Variants in WASL observed in about 807,000 individuals in gnomAD.
WASL encodes the protein actin nucleation-promoting factor WASL.
WASL carries 20 observed loss-of-function variants against 55.5 expected under a neutral mutation model. That is an observed-to-expected ratio of 0.36 (90% CI 0.25 to 0.52). WASL has a LOEUF of 0.52. Ranked by LOEUF, WASL falls within the 20% of genes least tolerant of loss-of-function variation. The pLI, the probability that WASL is intolerant of heterozygous loss-of-function variation, is 0.92. For synonymous variants in WASL, 249 were observed against 217.6 expected (o/e 1.14, Z -1.27); for missense variants, 504 against 622.5 (o/e 0.81, Z 2.03).
chr7:123,746,421 T>C (rs1476328105), intron 1 of WASL, among the ~76,000 whole-genome samples: 1 of 152,264 alleles, frequency 6.6e-6, no homozygotes, highest in African/African-American at 2.4e-5. Flanking sequence ...TAAATCTTAC[T>C]GCTGGATTTA....
At chr7:123,724,954 A>G (rs1804016919) in intron 1 of WASL, among the ~76,000 whole-genome samples, 1 of 152,220 alleles carries the variant, frequency 6.6e-6, no homozygotes, top group Non-Finnish European at 1.5e-5. Context: ...AAAGCATACC[A>G]AAGTCAACAT....
Position 123,732,330 on chromosome 7 carries a change from G to A in WASL, c.117+16288C>T, listed in dbSNP as rs183315107. Among the ~76,000 whole-genome samples, 968 of 151,436 alleles carry A rather than the reference G, an allele frequency of 6.4e-3. 9 individuals are homozygous for A. Among genetic ancestry groups the A allele is most frequent in the African/African-American group, 0.022 (895 of 41,348 alleles). On this transcript the variant is annotated intron_variant, in intron 1 of 10. Coordinates refer to ENST00000223023, the MANE Select transcript of WASL (RefSeq NM_003941.4). ...GGGTGATAGAGCGAGACTCTGTCTC[G>A]AAAAATAAAAAATAAAAAATAAAAA...
At chr7:123,743,190 AG>A (rs1804374358) in intron 1 of WASL, among the ~76,000 whole-genome samples, 1 of 152,078 alleles carries the variant, frequency 6.6e-6, no homozygotes, top group Non-Finnish European at 1.5e-5. Flanking sequence ...TACAAAAATT[AG>A]CCAGGGGTAG....
At chr7:123,739,764 T>C (rs1804298319) in intron 1 of WASL, among the ~76,000 whole-genome samples, 1 of 152,202 alleles carries the variant, frequency 6.6e-6, no homozygotes, top group Non-Finnish European at 1.5e-5. Flanking sequence ...CCTGATAAGC[T>C]GCTTGTTTCT....
intron 1 of WASL, among the ~76,000 whole-genome samples, chr7:123,747,402 T>C (rs1252800864): frequency 1.3e-5 from 2 of 152,144 alleles, no homozygotes. Context: ...ATGAAACACA[T>C]CTGAAATTGA....
intron 1 of WASL, among the ~76,000 whole-genome samples, chr7:123,734,448 A>T (rs1338840438): frequency 6.6e-6 from 1 of 152,184 alleles, no homozygotes; most frequent in Non-Finnish European, 1.5e-5. Flanking sequence ...AACTATTAAA[A>T]TAACTAAAAA....
chr7:123,723,354 C>T (rs926772288), intron 1 of WASL, among the ~76,000 whole-genome samples: 5 of 152,048 alleles, frequency 3.3e-5, no homozygotes, highest in Non-Finnish European at 7.4e-5. Flanking sequence ...ACATTCACAC[C>T]TTTACTATGT....
chr7:123,694,159 G>C (rs1803456482), intron 8 of WASL, among the ~76,000 whole-genome samples: 1 of 152,048 alleles, frequency 6.6e-6, no homozygotes, highest in Admixed American at 6.5e-5. Flanking sequence ...AAAATTTAGA[G>C]TATTTTATCT....
chr7:123,705,653 T>C (rs1292707327), intron 4 of WASL, among the ~76,000 whole-genome samples: 9 of 152,204 alleles, frequency 5.9e-5, no homozygotes, highest in Non-Finnish European at 1.0e-4. Context: ...TGTCAAGTAA[T>C]AGTTCTACTC....
intron 5 of WASL, among the ~76,000 whole-genome samples, chr7:123,701,955 A>AC (rs397710659): frequency 3.3e-5 from 5 of 150,406 alleles, no homozygotes; most frequent in African/African-American, 4.9e-5. Flanking sequence ...TAAAAAAAAA[A>AC]CCCTCCATTT....
intron 2 of WASL, among the ~76,000 whole-genome samples, chr7:123,708,531 C>T (rs576565201): frequency 2.0e-5 from 3 of 151,926 alleles, no homozygotes; most frequent in African/African-American, 7.2e-5. Flanking sequence ...GAATACCTAA[C>T]AAGGTATTCA....
intron 5 of WASL, among the ~76,000 whole-genome samples, chr7:123,702,009 A>T (rs1179451306): frequency 1.3e-5 from 2 of 151,908 alleles, no homozygotes; most frequent in Non-Finnish European, 2.9e-5. Context: ...AATGATTAAA[A>T]CTAAAGATTT....
chr7:123,739,910 GTGTGTATATA>G (rs1434478290), intron 1 of WASL, among the ~76,000 whole-genome samples: 92 of 58,232 alleles, frequency 1.6e-3, no homozygotes, highest in Middle Eastern at 0.012. Flanking sequence ...GTGTGTGTGT[GTGTGTATATA>G]TATATATATA....
chr7:123,688,614 G>A lies in WASL; in HGVS notation c.1456+428C>T, dbSNP rs553396310. On this transcript the variant is annotated intron_variant, in intron 10 of 10. Transcript: ENST00000223023. ...CGACCTCAGGTGATCCACCCGCCTC[G>A]GCCTCCCAAAGTGCTGGGATTACAG... 9.6e-4 allele frequency among the ~76,000 whole-genome samples: 146 copies of A among 152,108 alleles called. 2 individuals are homozygous for A. Among genetic ancestry groups the A allele is most frequent in the Non-Finnish European group, 1.8e-3 (119 of 67,980 alleles).
chr7:123,726,428 C>T (rs1405387978), intron 1 of WASL, among the ~76,000 whole-genome samples: 1 of 152,050 alleles, frequency 6.6e-6, no homozygotes, highest in Non-Finnish European at 1.5e-5. Context: ...CTCCTAGAAG[C>T]AGCAGAAGAC....
At chr7:123,695,693 A>T (rs557312817) in intron 7 of WASL, 130 bp downstream of exon 7, 11 of 810,406 alleles carry the variant, frequency 1.4e-5, no homozygotes, top group Non-Finnish European at 2.1e-5. Context: ...CCTCAGTTGT[A>T]TACATACATA....
intron 5 of WASL, among the ~76,000 whole-genome samples, chr7:123,697,169 T>G (rs1803506675): frequency 6.6e-6 from 1 of 152,164 alleles, no homozygotes; most frequent in Admixed American, 6.5e-5. Flanking sequence ...AATATAGCCT[T>G]AACTCTTTGT....
At chr7:123,709,024 C>T in intron 2 of WASL, 65 bp downstream of exon 2, 1 of 1,428,780 alleles carries the variant, frequency 7.0e-7, no homozygotes, top group South Asian at 1.5e-5. Context: ...CAAATCTAAA[C>T]TAAATTATAA....
In WASL at chr7:123,689,153, T is replaced by A. The variant is rs1252432331; in HGVS notation, c.1348-3A>T. On this transcript the variant is annotated splice_region_variant and splice_polypyrimidine_tract_variant and intron_variant, in intron 9 of 10. Transcript: ENST00000223023. ...GTAGACTCTTGGCCATCAGCCACCT[T>A]GGAAAAGAAAGTTAGCAAAACTCAG... 1.2e-6 allele frequency: 2 copies of A among 1,610,866 alleles called. No homozygotes were observed. Among genetic ancestry groups the A allele is most frequent in the Non-Finnish European group, 1.7e-6 (2 of 1,177,658 alleles).
Sources: allele counts gnomAD v4.1 joint callset (sites outside exome capture counted in the v4.1 genomes callset), GRCh38; gene constraint gnomAD v4.1.1; transcripts MANE v1.5; gene names NCBI Gene and HGNC (gene_info 2026-07-23, HGNC 2026-07-21).